The following EPM2A variants were observed in gnomAD, a reference collection of about 807,000 sequenced individuals.
EPM2A encodes laforin.
EPM2A carries 21 observed loss-of-function variants against 26.5 expected under a neutral mutation model. That is an observed-to-expected ratio of 0.79 (90% confidence interval 0.56 to 1.14). The LOEUF (loss-of-function observed/expected upper bound fraction) is 1.14. Among genes scored for constraint, EPM2A ranks in the 50% most tolerant of loss-of-function variants. EPM2A has a pLI of 0.00. For synonymous variants in EPM2A, 217 were observed against 177.6 expected (o/e 1.22, Z -1.76); for missense variants, 458 against 440.8 (o/e 1.04, Z -0.35).
chr6:145,426,305 C>G (rs1046742667), intron 4 of EPM2A, among the ~76,000 whole-genome samples: 1 of 152,202 alleles, frequency 6.6e-6, no homozygotes, highest in African/African-American at 2.4e-5. Context: ...TCCTATGAGT[C>G]AGGCCTTGAA....
rs1016497573 is a variant in EPM2A, at chr6:145,626,182, C to T, written c.*1234G>A. The T allele has an allele frequency of 1.2e-5, 12 of 999,318 alleles. No homozygotes were observed. The African/African-American group carries it at 1.6e-4, about 13-fold the overall frequency. The allele number at this position is 999,318 out of a possible 1,614,324, so 61.9% of individuals were successfully genotyped here. ...TCATTCATGGTCCAATCCTGCATTA[C>T]AGTTGGTTGAATGCAGGTCTGTTTC... On this transcript the variant is annotated 3_prime_UTR_variant, in exon 4 of 4. Coordinates refer to ENST00000367519, the MANE Select transcript of EPM2A (RefSeq NM_005670.4).
intron 4 of EPM2A, among the ~76,000 whole-genome samples, chr6:145,461,088 C>A (rs910655359): frequency 6.6e-6 from 1 of 152,102 alleles, no homozygotes; most frequent in Non-Finnish European, 1.5e-5. Context: ...TATTTAAATC[C>A]TTTTTGTATT....
intron 2 of EPM2A, among the ~76,000 whole-genome samples, chr6:145,573,775 G>A (rs999159113): frequency 1.3e-5 from 2 of 152,104 alleles, no homozygotes; most frequent in Admixed American, 1.3e-4. Context: ...CATTCTGCTG[G>A]CACTGGAGAA....
chr6:145,533,464 T>C (rs1171359927), intron 2 of EPM2A, among the ~76,000 whole-genome samples: 1 of 152,184 alleles, frequency 6.6e-6, no homozygotes, highest in Non-Finnish European at 1.5e-5. Context: ...TTCATTTCTT[T>C]TGGAAAAATA....
chr6:145,523,013 A>C (rs148988346), intron 2 of EPM2A, among the ~76,000 whole-genome samples: 16 of 152,314 alleles, frequency 1.1e-4, no homozygotes, highest in Non-Finnish European at 2.2e-4. Flanking sequence ...TTGTAGGTTT[A>C]AGATATGCAC....
chr6:145,432,630 G>A (rs532593555), intron 4 of EPM2A, among the ~76,000 whole-genome samples: 20 of 151,932 alleles, frequency 1.3e-4, no homozygotes, highest in African/African-American at 4.6e-4. Flanking sequence ...TAGGTTTAGT[G>A]TAACTCTTAA....
chr6:145,636,815 T>C (rs1416509890), intron 2 of EPM2A: 1 of 151,242 alleles, frequency 6.6e-6, no homozygotes, highest in Non-Finnish European at 1.5e-5. Context: ...CCCAGCTACC[T>C]TGAAAGGCTG....
intron 2 of EPM2A, among the ~76,000 whole-genome samples, chr6:145,618,940 A>G (rs556993715): frequency 1.3e-5 from 2 of 152,356 alleles, no homozygotes; most frequent in South Asian, 4.1e-4. Context: ...CAAGAGGAAG[A>G]TAAGCCAGGA....
chr6:145,676,315 GAGAAAGC>G (rs1421439687), intron 2 of EPM2A, among the ~76,000 whole-genome samples: 1 of 152,104 alleles, frequency 6.6e-6, no homozygotes, highest in Non-Finnish European at 1.5e-5. Context: ...ATGCCCACAA[GAGAAAGC>G]AGAAAGATAT....
intron 4 of EPM2A, among the ~76,000 whole-genome samples, chr6:145,451,936 T>G (rs1458936351): frequency 6.6e-6 from 1 of 152,234 alleles, no homozygotes; most frequent in Non-Finnish European, 1.5e-5. Flanking sequence ...TGGGAGCTTC[T>G]GCTCTAGAAA....
intron 2 of EPM2A, among the ~76,000 whole-genome samples, chr6:145,537,581 GTTT>G (rs11327111): frequency 6.2e-4 from 82 of 133,100 alleles, no homozygotes; most frequent in Middle Eastern, 4.1e-3. Flanking sequence ...CCTACAAGAG[GTTT>G]TTTTTTTTTT....
rs923747222 is a variant in EPM2A at position 145,596,864 on chromosome 6, C to T, written c.340+38381G>A. 2.1e-5 allele frequency among the ~76,000 whole-genome samples: 3 copies of T among 143,490 alleles called. No homozygotes were observed. The South Asian group carries it at 6.8e-4, about 33-fold the overall frequency. The allele number at this position is 143,490 out of a possible 152,430, so 94.1% of individuals were successfully genotyped here. A position where few individuals can be genotyped will look rare whatever the true frequency, so the allele number is the denominator to read the frequency against. On this transcript the variant is annotated intron_variant, in intron 2 of 3. Transcript: ENST00000450221. ...TTTACTTTCTTCTACGTTGTATATG[C>T]TCTCTCCGAGATCTTTTTTTTTTTT...
At chr6:145,477,559 A>G (rs1194156248) in intron 4 of EPM2A, among the ~76,000 whole-genome samples, 1 of 151,936 alleles carries the variant, frequency 6.6e-6, no homozygotes, top group Non-Finnish European at 1.5e-5. Context: ...AAATTCAGTA[A>G]TACATTAGAG....
chr6:145,686,314 G>A lies in EPM2A; in HGVS notation c.302-18C>T, dbSNP rs1264146123. On this transcript the variant is annotated intron_variant, in intron 1 of 3. Coordinates refer to ENST00000367519, the MANE Select transcript of EPM2A (RefSeq NM_005670.4). ...TCCATTGCCTAGAACAAGAAAAAATGATAAACAGAGCAATTAAATCAGTGT... is the reference window on the plus strand; with the variant it reads ...TCCATTGCCTAGAACAAGAAAAAATAATAAACAGAGCAATTAAATCAGTGT... The A allele has an allele frequency of 6.2e-7, 1 of 1,602,760 alleles. No individual in the cohort carries two copies.
chr6:145,601,296 C>T (rs1781414104), intron 2 of EPM2A, among the ~76,000 whole-genome samples: 3 of 151,978 alleles, frequency 2.0e-5, no homozygotes, highest in Admixed American at 2.0e-4. Context: ...GTTGTTTTTC[C>T]CCTTTTTATT....
At chr6:145,433,494 C>G (rs1778947757) in intron 4 of EPM2A, among the ~76,000 whole-genome samples, 1 of 152,110 alleles carries the variant, frequency 6.6e-6, no homozygotes, top group South Asian at 2.1e-4. Flanking sequence ...ATTCCATCTT[C>G]TTCCCACCTT....
chr6:145,435,409 TTATATA>T (rs3063952), intron 4 of EPM2A, among the ~76,000 whole-genome samples: 8 of 126,570 alleles, frequency 6.3e-5, no homozygotes, highest in East Asian at 2.3e-4. Context: ...AGTGAAGAAT[TTATATA>T]TATATATATA....
At chr6:145,732,374 A>C (rs1699481998) in intron 1 of EPM2A, among the ~76,000 whole-genome samples, 1 of 149,402 alleles carries the variant, frequency 6.7e-6, no homozygotes, top group African/African-American at 2.5e-5. Flanking sequence ...TCAATATTTT[A>C]TATAAAACTG....
intron 2 of EPM2A, among the ~76,000 whole-genome samples, chr6:145,560,753 G>A (rs1780792882): frequency 6.6e-6 from 1 of 152,076 alleles, no homozygotes; most frequent in South Asian, 2.1e-4. Flanking sequence ...TGAATAAAGG[G>A]ATGTCAGGTA....
Sources: allele counts gnomAD v4.1 joint callset (sites outside exome capture counted in the v4.1 genomes callset), GRCh38; gene constraint gnomAD v4.1.1; transcripts MANE v1.5; gene names NCBI Gene and HGNC (gene_info 2026-07-23, HGNC 2026-07-21).